Variants in MPP7 observed in about 807,000 individuals in gnomAD.
MPP7 encodes the protein MAGUK p55 subfamily member 7.
In MPP7, 60 loss-of-function variants were observed where a neutral mutation model predicts 76.5. The ratio of observed to expected loss-of-function variants is 0.78; its 90% confidence interval spans 0.64 to 0.97. The LOEUF (loss-of-function observed/expected upper bound fraction) is 0.97, where lower values mean the gene tolerates loss of function less well. MPP7 is among the 50% of genes least tolerant of loss of function. The pLI is 0.00. For missense variants in MPP7, 641 were observed against 694.0 expected (o/e 0.92, Z 0.86); for synonymous variants, 237 against 244.5 (o/e 0.97, Z 0.29).
chr10:28,220,740 A>G (rs1838474449), intron 2 of MPP7, among the ~76,000 whole-genome samples: 1 of 152,182 alleles, frequency 6.6e-6, no homozygotes, highest in Non-Finnish European at 1.5e-5. Flanking sequence ...TGTAGTAGAA[A>G]GAGAGGTAGG....
chr10:28,290,485 T>C (rs1272221744), intron 1 of MPP7, among the ~76,000 whole-genome samples: 1 of 152,130 alleles, frequency 6.6e-6, no homozygotes, highest in African/African-American at 2.4e-5. Context: ...TGTTTTGTTT[T>C]GTTGAGATAA....
At chr10:28,217,249 C>A (rs1838339167) in intron 2 of MPP7, among the ~76,000 whole-genome samples, 1 of 152,068 alleles carries the variant, frequency 6.6e-6, no homozygotes, top group African/African-American at 2.4e-5. Context: ...CTGAATTAGT[C>A]TGGGCCCAGT....
At chr10:28,184,869 ATGAT>A (rs1837179172) in intron 3 of MPP7, among the ~76,000 whole-genome samples, 1 of 143,784 alleles carries the variant, frequency 7.0e-6, no homozygotes, top group South Asian at 2.4e-4. Flanking sequence ...TATGATTTTT[ATGAT>A]TTTTTATAAT....
intron 1 of MPP7, among the ~76,000 whole-genome samples, chr10:28,248,541 G>A (rs887600845): frequency 1.6e-4 from 24 of 152,004 alleles, no homozygotes; most frequent in African/African-American, 3.6e-4. Context: ...TCCACTTAAT[G>A]ATCTTTGCCT....
At chr10:28,123,462 CTTTT>C (rs200098933) in intron 8 of MPP7, among the ~76,000 whole-genome samples, 1 of 92,508 alleles carries the variant, frequency 1.1e-5, no homozygotes, top group Non-Finnish European at 2.1e-5. Context: ...GTACTAAATT[CTTTT>C]TTTTTTTTTT....
At chr10:28,130,533 T>A (rs932702746) in intron 6 of MPP7, among the ~76,000 whole-genome samples, 1 of 152,214 alleles carries the variant, frequency 6.6e-6, no homozygotes, top group African/African-American at 2.4e-5. Context: ...TTCCTGACCA[T>A]CCACTTGCTA....
In MPP7 at chr10:28,173,228, A is replaced by AAAAG. The variant is rs566888112; in HGVS notation, c.157-23170_157-23169insCTTT. 5.4e-3 allele frequency among the ~76,000 whole-genome samples: 658 copies of AAAAG among 122,828 alleles called. 7 individuals are homozygous for AAAAG. Among genetic ancestry groups the AAAAG allele is most frequent in the African/African-American group, 0.018 (647 of 36,176 alleles). 80.6% of individuals were successfully genotyped at this position (122,828 alleles called of 152,430 possible). ...CAGACTCAATAGGTGAGTAGCGATG[A>AAAAG]AAAAAAAAAAAAAGACAAAAAGAAT... On this transcript the variant is annotated intron_variant, in intron 3 of 16. Transcript: ENST00000683449.
chr10:28,331,096 T>C (rs969342572), intron 1 of MPP7, among the ~76,000 whole-genome samples: 6 of 152,264 alleles, frequency 3.9e-5, no homozygotes, highest in Admixed American at 2.0e-4. Context: ...GGCAGAGTCA[T>C]ATCTACTTTG....
intron 2 of MPP7, among the ~76,000 whole-genome samples, chr10:28,316,429 T>A: frequency 1.0e-5 from 1 of 95,588 alleles, no homozygotes; most frequent in Non-Finnish European, 1.8e-5. Context: ...AGTAAGACTC[T>A]GTCTTTAAAA....
rs200801823 is a variant in MPP7 at position 28,177,029 on chromosome 10, A to T, written c.156+25124T>A. ...TACCCTAGAACTTAAAGTATAATTT[A>T]AAAAAAAAAAAGAAAGAAAAGAAAA... On this transcript the variant is annotated intron_variant, in intron 3 of 16. Transcript: ENST00000683449. Among the ~76,000 whole-genome samples the T allele has an allele frequency of 8.1e-4, 111 of 136,590 alleles. No homozygotes were observed. In the East Asian group the frequency reaches 0.012, roughly 15 times the overall value. The allele number at this position is 136,590 out of a possible 152,430, so 89.6% of individuals were successfully genotyped here.
intron 5 of MPP7, among the ~76,000 whole-genome samples, chr10:28,143,291 T>C (rs1835586690): frequency 6.6e-6 from 1 of 152,180 alleles, no homozygotes; most frequent in Non-Finnish European, 1.5e-5. Flanking sequence ...GGAAAAGATA[T>C]GCATCCGCAC....
Position 28,141,941 on chromosome 10 carries a change from T to C in MPP7, c.315+5542A>G, listed in dbSNP as rs1473444328. ...AACAGATTCAGATATATAATAAAGA[T>C]AAATCAAATTGTGAGAAAATTACCA... On this transcript the variant is annotated intron_variant, in intron 5 of 16. Transcript: ENST00000683449. Among the ~76,000 whole-genome samples, 5 of 151,866 alleles carry C rather than the reference T, an allele frequency of 3.3e-5. No homozygotes were observed. The East Asian group carries it at 9.6e-4, about 29-fold the overall frequency.
chr10:28,215,131 C>G (rs980602853), intron 2 of MPP7, among the ~76,000 whole-genome samples: 4 of 151,816 alleles, frequency 2.6e-5, no homozygotes, highest in Non-Finnish European at 4.4e-5. Flanking sequence ...ACTTCCCAAG[C>G]CCCTACCCAA....
At chr10:28,108,193 G>A (rs918024968) in intron 11 of MPP7, among the ~76,000 whole-genome samples, 6 of 152,198 alleles carry the variant, frequency 3.9e-5, no homozygotes, top group African/African-American at 1.4e-4. Flanking sequence ...CTAGACCTTT[G>A]TTTCCTTTTC....
At position 28,104,609 on chromosome 10, in the gene MPP7, A is replaced by G. The variant is rs567040186; in HGVS notation, c.953-14768T>C. Among the ~76,000 whole-genome samples the G allele has an allele frequency of 4.6e-5, 7 of 152,256 alleles. No individual in the cohort carries two copies. The South Asian group carries it at 1.4e-3, about 32-fold the overall frequency. On this transcript the variant is annotated intron_variant, in intron 11 of 16. Coordinates refer to ENST00000683449, the MANE Select transcript of MPP7 (RefSeq NM_001318170.2). ...ATTCTTTTTTAAATGAGAGACTATG[A>G]TCAAACTTGCTTATTCTACAAAAGA...
At chr10:28,111,906 C>A (rs12776665) in intron 11 of MPP7, among the ~76,000 whole-genome samples, 71,545 of 151,956 alleles carry the variant, frequency 0.47, 20,408 homozygotes, top group Non-Finnish European at 0.65. Context: ...GACCTCAGAG[C>A]AAATAGGAGT....
chr10:28,251,451 G>C (rs981650665), intron 1 of MPP7, among the ~76,000 whole-genome samples: 1 of 151,876 alleles, frequency 6.6e-6, no homozygotes, highest in South Asian at 2.1e-4. Context: ...GACAGAACAA[G>C]GCCCTGTCTC....
intron 2 of MPP7, among the ~76,000 whole-genome samples, chr10:28,309,078 C>A (rs147742017): frequency 6.6e-6 from 1 of 152,202 alleles, no homozygotes; most frequent in East Asian, 1.9e-4. Context: ...GATGTGGGGA[C>A]CCAGCATTCC....
At chr10:28,307,269 A>G (rs1050572005), upstream of MPP7, among the ~76,000 whole-genome samples, 1 of 152,170 alleles carries the variant, frequency 6.6e-6, no homozygotes. Flanking sequence ...TTCTCTGGAA[A>G]TCTTTCTACT....
Sources: allele counts gnomAD v4.1 joint callset (sites outside exome capture counted in the v4.1 genomes callset), GRCh38; gene constraint gnomAD v4.1.1; transcripts MANE v1.5; gene names NCBI Gene and HGNC (gene_info 2026-07-23, HGNC 2026-07-21).